The following ARB2A variants were observed in gnomAD, a reference collection of about 807,000 sequenced individuals.
ARB2A encodes cotranscriptional regulator ARB2A.
chr5:93,808,517 C>T, the ARB2A span, among the ~76,000 whole-genome samples: 1 of 151,656 alleles, frequency 6.6e-6, no homozygotes, highest in Admixed American at 6.6e-5. Flanking sequence ...TCATTAAAAA[C>T]TCACCCTATC....
At chr5:93,781,441 GGATGC>G in the ARB2A span, among the ~76,000 whole-genome samples, 1 of 152,034 alleles carries the variant, frequency 6.6e-6, no homozygotes, top group African/African-American at 2.4e-5. Flanking sequence ...ATCCTTTGAT[GGATGC>G]TTAGGTTGAT....
At chr5:93,947,560 C>T in the ARB2A span, among the ~76,000 whole-genome samples, 1 of 151,038 alleles carries the variant, frequency 6.6e-6, no homozygotes, top group East Asian at 1.9e-4. Flanking sequence ...TACATGTGCA[C>T]AATGTGCAGG....
the ARB2A span, among the ~76,000 whole-genome samples, chr5:93,891,941 T>C: frequency 6.6e-6 from 1 of 152,186 alleles, no homozygotes; most frequent in East Asian, 1.9e-4. Flanking sequence ...CTAAGCACTC[T>C]GAAGGCCTAT....
At chr5:93,868,906 A>G in the ARB2A span, among the ~76,000 whole-genome samples, 4 of 152,244 alleles carry the variant, frequency 2.6e-5, no homozygotes, top group African/African-American at 9.6e-5. Context: ...CGACTGCCTT[A>G]CCAAGAAAAC....
the ARB2A span, among the ~76,000 whole-genome samples, chr5:93,887,711 T>C: frequency 1.3e-5 from 2 of 151,892 alleles, no homozygotes; most frequent in African/African-American, 4.8e-5. Flanking sequence ...AAATGTATCA[T>C]AAAAGTCCTT....
At chr5:93,855,307 C>G in the ARB2A span, among the ~76,000 whole-genome samples, 2 of 152,070 alleles carry the variant, frequency 1.3e-5, no homozygotes, top group Non-Finnish European at 2.9e-5. Context: ...TTTCCATTGG[C>G]TTGGTAGATC....
the ARB2A span, among the ~76,000 whole-genome samples, chr5:93,779,404 C>T: frequency 6.6e-6 from 1 of 151,718 alleles, no homozygotes; most frequent in African/African-American, 2.4e-5. Flanking sequence ...TTTTCAAGGC[C>T]CCCGTTTGTC....
At chr5:93,642,374 A>G in the ARB2A span, among the ~76,000 whole-genome samples, 6 of 151,158 alleles carry the variant, frequency 4.0e-5, no homozygotes, top group East Asian at 9.8e-4. Context: ...TACCTGGCTA[A>G]TTTTTTATTT....
At chr5:94,053,425 A>G in the ARB2A span, among the ~76,000 whole-genome samples, 15 of 152,190 alleles carry the variant, frequency 9.9e-5, no homozygotes, top group Non-Finnish European at 2.2e-4. Context: ...CTTGAAAATC[A>G]TAATTCTAAA....
chr5:94,027,871 GTGA>G, the ARB2A span, among the ~76,000 whole-genome samples: 1 of 152,150 alleles, frequency 6.6e-6, no homozygotes, highest in Non-Finnish European at 1.5e-5. Flanking sequence ...GAAGGAAGGG[GTGA>G]TCTTGTGGGA....
the ARB2A span, among the ~76,000 whole-genome samples, chr5:93,687,297 T>C: frequency 6.6e-6 from 1 of 152,222 alleles, no homozygotes. Flanking sequence ...TGTAAACTTG[T>C]ATAACTATTT....
chr5:93,972,099 G>C, the ARB2A span, among the ~76,000 whole-genome samples: 1 of 152,118 alleles, frequency 6.6e-6, no homozygotes, highest in Non-Finnish European at 1.5e-5. Flanking sequence ...GCCTTAAAGA[G>C]ACAACTTCTT....
the ARB2A span, among the ~76,000 whole-genome samples, chr5:93,674,646 T>C: frequency 1.3e-5 from 2 of 152,160 alleles, no homozygotes. Flanking sequence ...TAATGCAAAA[T>C]GCACATGGTT....
At chr5:93,915,561 A>AAG in the ARB2A span, among the ~76,000 whole-genome samples, 2 of 151,960 alleles carry the variant, frequency 1.3e-5, no homozygotes, top group Non-Finnish European at 2.9e-5. Context: ...AGGTTCATAA[A>AAG]ACTTAAAAGA....
the ARB2A span, among the ~76,000 whole-genome samples, chr5:94,099,945 T>C: frequency 1.3e-5 from 2 of 152,120 alleles, no homozygotes; most frequent in East Asian, 3.9e-4. Context: ...GCCAGAGCAA[T>C]TAGGCAAGAG....
the ARB2A span, among the ~76,000 whole-genome samples, chr5:94,030,729 G>C: frequency 6.6e-6 from 1 of 152,340 alleles, no homozygotes; most frequent in South Asian, 2.1e-4. Flanking sequence ...GAGCCTTTAA[G>C]AGGAGATTAG....
the ARB2A span, among the ~76,000 whole-genome samples, chr5:93,937,917 A>G: frequency 1.3e-5 from 2 of 152,326 alleles, no homozygotes; most frequent in African/African-American, 4.8e-5. Context: ...AAGTCTGTAT[A>G]TATTTAGTAC....
chr5:94,033,447 T>C, the ARB2A span, among the ~76,000 whole-genome samples: 3 of 152,136 alleles, frequency 2.0e-5, no homozygotes, highest in Admixed American at 1.3e-4. Flanking sequence ...TGTTTTGAGA[T>C]GGAGTCTCGC....
chr5:93,818,011 A>G, the ARB2A span, among the ~76,000 whole-genome samples: 1 of 152,072 alleles, frequency 6.6e-6, no homozygotes, highest in Non-Finnish European at 1.5e-5. Flanking sequence ...TGATAACCCA[A>G]TTAAAATTGA....
Sources: gnomAD v4.1 joint callset for allele counts (sites outside exome capture counted in the v4.1 genomes callset) on GRCh38, gnomAD v4.1.1 for gene constraint, MANE v1.5 for transcripts, NCBI Gene and HGNC (gene_info 2026-07-23, HGNC 2026-07-21) for gene names.